Variants in DLG2 observed in about 807,000 individuals in gnomAD.
DLG2 encodes discs large MAGUK scaffold protein 2, also known as disks large homolog 2.
DLG2 carries 45 observed loss-of-function variants against 132.5 expected under a neutral mutation model. The observed-to-expected ratio is 0.34, with a 90% CI of 0.27 to 0.44. The LOEUF is 0.44. Ranked by LOEUF, DLG2 falls within the 20% of genes least tolerant of loss-of-function variation. DLG2 has a pLI of 1.00. For missense variants in DLG2, 1,045 were observed against 1,196.9 expected (o/e 0.87, Z 1.87); for synonymous variants, 424 against 419.6 (o/e 1.01, Z -0.13).
chr11:83,692,794 T>C (rs1476640108), intron 18 of DLG2: 1 of 152,198 alleles, frequency 6.6e-6, no homozygotes, highest in East Asian at 1.9e-4. Flanking sequence ...AACTAGACTC[T>C]ACCCTAAAAA....
chr11:85,493,509 A>G (rs1035594134), intron 3 of DLG2, among the ~76,000 whole-genome samples: 11 of 152,090 alleles, frequency 7.2e-5, no homozygotes, highest in Non-Finnish European at 1.6e-4. Flanking sequence ...TTTATAAACA[A>G]TAGAAATTTA....
At chr11:85,176,632 C>A (rs1223074328) in intron 4 of DLG2, among the ~76,000 whole-genome samples, 1 of 152,000 alleles carries the variant, frequency 6.6e-6, no homozygotes, top group Non-Finnish European at 1.5e-5. Flanking sequence ...TTTAACTAAA[C>A]AGCCTCTGTG....
At chr11:84,550,851 G>A (rs80170845) in intron 6 of DLG2, among the ~76,000 whole-genome samples, 2,361 of 152,306 alleles carry the variant, frequency 0.016, 57 homozygotes, top group African/African-American at 0.054. Context: ...CTGTGACTCT[G>A]TCGAAATTAA....
At chr11:83,890,311 C>T (rs909822254) in intron 15 of DLG2, among the ~76,000 whole-genome samples, 3 of 151,888 alleles carry the variant, frequency 2.0e-5, no homozygotes, top group East Asian at 1.9e-4. Flanking sequence ...TCTTCGACAA[C>T]ATTGAAAAGG....
intron 9 of DLG2, among the ~76,000 whole-genome samples, chr11:84,145,126 T>C (rs2095027807): frequency 6.6e-6 from 1 of 152,206 alleles, no homozygotes; most frequent in African/African-American, 2.4e-5. Context: ...ATAAATCTAC[T>C]TTGATTAGAA....
At chr11:85,540,109 G>T (rs576633640) in intron 3 of DLG2, among the ~76,000 whole-genome samples, 1 of 152,214 alleles carries the variant, frequency 6.6e-6, no homozygotes, top group Non-Finnish European at 1.5e-5. Flanking sequence ...AAAGCGGCAG[G>T]GGGGTGGTGC....
rs2087029723 is a variant in DLG2, at chr11:85,393,823, CT to C, written c.41-108459del. On this transcript the variant is annotated intron_variant, in intron 3 of 27. Transcript: ENST00000376104. ...ACTCAGGAATAGAAAAACTAAACAT[CT>C]TATGTTCTCACTCATAAATGGAAGC... Among the ~76,000 whole-genome samples the C allele has an allele frequency of 2.0e-5, 3 of 152,150 alleles. No individual in the cohort carries two copies. In the East Asian group the frequency reaches 5.8e-4, roughly 29 times the overall value.
intron 3 of DLG2, among the ~76,000 whole-genome samples, chr11:85,513,933 A>G (rs2153164070): frequency 6.6e-6 from 1 of 151,970 alleles, no homozygotes; most frequent in South Asian, 2.1e-4. Flanking sequence ...TCTGTTCCCC[A>G]TCCTCATTGT....
chr11:83,864,252 C>A (rs535293476), intron 16 of DLG2, among the ~76,000 whole-genome samples: 55 of 152,178 alleles, frequency 3.6e-4, no homozygotes, highest in Non-Finnish European at 5.6e-4. Flanking sequence ...TTCTTTTGTT[C>A]TGTAATTACA....
intron 18 of DLG2, among the ~76,000 whole-genome samples, chr11:83,769,966 T>C (rs2094316746): frequency 6.6e-6 from 1 of 152,110 alleles, no homozygotes; most frequent in Admixed American, 6.5e-5. Flanking sequence ...GGGGTGGTGC[T>C]CCAATCTGTG....
At chr11:84,841,638 C>T (rs1426467079) in intron 6 of DLG2, among the ~76,000 whole-genome samples, 1 of 152,040 alleles carries the variant, frequency 6.6e-6, no homozygotes, top group East Asian at 1.9e-4. Context: ...CATTTTTGAA[C>T]AGATTAAAAT....
chr11:84,256,953 G>T (rs1798281443), intron 7 of DLG2, among the ~76,000 whole-genome samples: 2 of 152,178 alleles, frequency 1.3e-5, no homozygotes, highest in South Asian at 4.1e-4. Flanking sequence ...TCACACAGAA[G>T]ATTTCCATCG....
chr11:84,599,273 C>A (rs920247692), intron 6 of DLG2, among the ~76,000 whole-genome samples: 1 of 152,060 alleles, frequency 6.6e-6, no homozygotes, highest in African/African-American at 2.4e-5. Flanking sequence ...TATGATAAAT[C>A]AGATCTCAGG....
chr11:83,694,973 G>T (rs1410489827), intron 18 of DLG2, among the ~76,000 whole-genome samples: 1 of 152,196 alleles, frequency 6.6e-6, no homozygotes, highest in Non-Finnish European at 1.5e-5. Flanking sequence ...CGTCTACTTT[G>T]CATTACCAAT....
chr11:83,662,916 C>T (rs2074682818), intron 18 of DLG2, among the ~76,000 whole-genome samples: 1 of 152,158 alleles, frequency 6.6e-6, no homozygotes, highest in East Asian at 1.9e-4. Flanking sequence ...TCCTCAGACT[C>T]CACAGTCCAC....
At chr11:85,426,514 C>A (rs1470841231) in intron 3 of DLG2, among the ~76,000 whole-genome samples, 1 of 152,196 alleles carries the variant, frequency 6.6e-6, no homozygotes, top group African/African-American at 2.4e-5. Context: ...CTCAGGCAAA[C>A]AGGGTCTGGA....
intron 6 of DLG2, among the ~76,000 whole-genome samples, chr11:84,640,925 G>C (rs2099660128): frequency 7.0e-6 from 1 of 143,302 alleles, no homozygotes; most frequent in Non-Finnish European, 1.5e-5. Context: ...GGGTGACAGA[G>C]TAAGACTCTG....
intron 6 of DLG2, among the ~76,000 whole-genome samples, chr11:85,009,013 G>T (rs1220086379): frequency 6.6e-6 from 1 of 151,882 alleles, no homozygotes; most frequent in Non-Finnish European, 1.5e-5. Flanking sequence ...AGAAAGAAAA[G>T]ATGACAAATA....
At chr11:83,906,784 C>T (rs982097731) in intron 15 of DLG2, among the ~76,000 whole-genome samples, 1 of 152,012 alleles carries the variant, frequency 6.6e-6, no homozygotes, top group African/African-American at 2.4e-5. Flanking sequence ...AAAAACCAAC[C>T]AACCTAACAA....
Sources: gnomAD v4.1 joint callset for allele counts (sites outside exome capture counted in the v4.1 genomes callset) on GRCh38, gnomAD v4.1.1 for gene constraint, MANE v1.5 for transcripts, NCBI Gene and HGNC (gene_info 2026-07-23, HGNC 2026-07-21) for gene names.